Variants in CPED1 observed in about 807,000 individuals in gnomAD.
The protein encoded by CPED1 is cadherin like and PC-esterase domain containing 1, also known as cadherin-like and PC-esterase domain-containing protein 1.
In CPED1, 114 loss-of-function variants were observed where a neutral mutation model predicts 128.2. That is an observed-to-expected ratio of 0.89 (90% confidence interval 0.76 to 1.04). CPED1 has a LOEUF of 1.04. Ranked by LOEUF, CPED1 falls within the 50% of genes least tolerant of loss-of-function variation. The pLI, the probability that CPED1 is intolerant of heterozygous loss-of-function variation, is 0.00. For synonymous variants in CPED1, 462 were observed against 426.7 expected (o/e 1.08, Z -1.02); for missense variants, 1,211 against 1,207.1 (o/e 1.00, Z -0.05).
In CPED1 at chr7:121,085,089, A is replaced by G. The variant is rs536953766; in HGVS notation, c.617-12610A>G. Reference sequence around the variant, plus strand: ...TACAGCTATATTCACCGTTTACTCCACTTCTGCTGGAGTCCCCCATGGCCA... The same window carrying G: ...TACAGCTATATTCACCGTTTACTCCGCTTCTGCTGGAGTCCCCCATGGCCA... On this transcript the variant is annotated intron_variant, in intron 5 of 22. Coordinates refer to ENST00000310396, the MANE Select transcript of CPED1 (RefSeq NM_024913.5). 1.6e-4 allele frequency among the ~76,000 whole-genome samples: 25 copies of G among 152,160 alleles called. 1 individual carries two copies. The South Asian group carries it at 3.9e-3, about 24-fold the overall frequency.
chr7:121,107,732 AAAAG>A (rs1315143425), intron 7 of CPED1, among the ~76,000 whole-genome samples: 1 of 152,124 alleles, frequency 6.6e-6, no homozygotes, highest in Admixed American at 6.6e-5. Flanking sequence ...GGTATAGAAA[AAAAG>A]TAAGTTTTTA....
intron 2 of CPED1, among the ~76,000 whole-genome samples, chr7:120,990,810 C>T (rs541680461): frequency 1.4e-4 from 21 of 152,176 alleles, no homozygotes; most frequent in Admixed American, 7.9e-4. Flanking sequence ...AGTAGAATTT[C>T]TACTTGAACA....
chr7:121,271,333 CA>C lies in CPED1; in HGVS notation c.2778del (p.Lys926AsnfsTer6), dbSNP rs777945397. On this transcript the variant is annotated frameshift_variant, in exon 22 of 23. Transcript: ENST00000310396. LOFTEE classifies it high-confidence loss of function. ...WKENLIILDTAKKHGYEVVDT... is the reference protein window; with the variant it reads ...WKENLIILDTXKKHGYEVVDT... ...GAAAATTTGATTATTCTGGATACTGCAAAAAAACATGGCTATGAAGTAGTTG... is the reference window on the plus strand; with the variant it reads ...GAAAATTTGATTATTCTGGATACTGCAAAAAACATGGCTATGAAGTAGTTG... 29 of 1,611,904 alleles carry C rather than the reference CA, an allele frequency of 1.8e-5. No individual in the cohort carries two copies. Among genetic ancestry groups the C allele is most frequent in the Non-Finnish European group, 2.4e-5 (28 of 1,178,622 alleles).
At chr7:121,165,326 G>A (rs1196953963) in intron 16 of CPED1, among the ~76,000 whole-genome samples, 2 of 152,048 alleles carry the variant, frequency 1.3e-5, no homozygotes, top group African/African-American at 4.8e-5. Context: ...TTTTGAGAAA[G>A]CAGTGTCTAA....
intron 3 of CPED1, among the ~76,000 whole-genome samples, chr7:121,044,452 AGAG>A (rs1349834810): frequency 6.6e-6 from 1 of 152,102 alleles, no homozygotes; most frequent in Non-Finnish European, 1.5e-5. Flanking sequence ...CTTCATTTTA[AGAG>A]GAGATTTGTG....
In CPED1 at chr7:121,125,918, A is replaced by G. The variant is rs1024613051; in HGVS notation, c.1134+26A>G. The G allele has an allele frequency of 2.7e-6, 4 of 1,468,616 alleles. No individual in the cohort carries two copies. The African/African-American group carries it at 5.5e-5, about 20-fold the overall frequency. 91.0% of individuals were successfully genotyped at this position (1,468,616 alleles called of 1,614,324 possible). A position where few individuals can be genotyped will look rare whatever the true frequency, so the allele number is the denominator to read the frequency against. On this transcript the variant is annotated intron_variant, in intron 9 of 22. Coordinates refer to ENST00000310396, the MANE Select transcript of CPED1 (RefSeq NM_024913.5). Reference sequence around the variant, plus strand: ...GTCAGTATGCCAAAGGCCTCATGTGAGCTTCTACCTTGTGGTGAGAGATCA... The same window carrying G: ...GTCAGTATGCCAAAGGCCTCATGTGGGCTTCTACCTTGTGGTGAGAGATCA...
At position 121,271,752 on chromosome 7, in the gene CPED1, C is replaced by CA. The variant is rs200742879; in HGVS notation, c.2868+330dup. On this transcript the variant is annotated intron_variant, in intron 22 of 22. Transcript: ENST00000310396. ...AAGCCTTCCCATCAGAAATTGCATC[C>CA]AAAAAAAAGGTGGCAAAGGTTTTCA... Among the ~76,000 whole-genome samples the CA allele has an allele frequency of 2.5e-3, 386 of 151,450 alleles. 3 individuals carry two copies. The highest frequency in any genetic ancestry group is 8.4e-3 in the African/African-American group (347 of 41,362).
intron 7 of CPED1, among the ~76,000 whole-genome samples, chr7:121,121,304 T>C (rs2116304395): frequency 6.6e-6 from 1 of 152,352 alleles, no homozygotes; most frequent in East Asian, 1.9e-4. Context: ...CATCCACTTG[T>C]ATCTGAATAA....
intron 5 of CPED1, among the ~76,000 whole-genome samples, chr7:121,088,642 GTGCGAGAC>G (rs1794495867): frequency 7.0e-6 from 1 of 143,424 alleles, no homozygotes; most frequent in Admixed American, 7.0e-5. Flanking sequence ...CTGGGCGACG[GTGCGAGAC>G]TGCTTCTCAA....
At chr7:121,209,287 G>C (rs1584598943) in intron 16 of CPED1, among the ~76,000 whole-genome samples, 2 of 152,036 alleles carry the variant, frequency 1.3e-5, no homozygotes, top group East Asian at 3.9e-4. Context: ...AGCTGACTCA[G>C]TTATATGGAT....
At chr7:121,174,805 C>T (rs1048427220) in intron 16 of CPED1, among the ~76,000 whole-genome samples, 1 of 151,950 alleles carries the variant, frequency 6.6e-6, no homozygotes, top group African/African-American at 2.4e-5. Context: ...GTCTGGAAAC[C>T]TCTTTGGACA....
chr7:121,295,997 A>T lies in CPED1; in HGVS notation c.*345A>T, dbSNP rs1792817756. On this transcript the variant is annotated 3_prime_UTR_variant, in exon 23 of 23. Coordinates refer to ENST00000310396, the MANE Select transcript of CPED1 (RefSeq NM_024913.5). ...AGACACTTAAAATTATGTGAAAAAA[A>T]GGATAATGCTCTTTCATGTTGTCTT... The T allele has an allele frequency of 5.4e-6, 1 of 186,756 alleles. No homozygotes were observed. Among genetic ancestry groups the T allele is most frequent in the Non-Finnish European group, 1.1e-5 (1 of 89,792 alleles). 11.6% of individuals were successfully genotyped at this position (186,756 alleles called of 1,614,324 possible). A position where few individuals can be genotyped will look rare whatever the true frequency, so the allele number is the denominator to read the frequency against.
chr7:121,226,420 CA>C (rs1233619639), intron 16 of CPED1, among the ~76,000 whole-genome samples: 2 of 151,994 alleles, frequency 1.3e-5, no homozygotes, highest in Non-Finnish European at 2.9e-5. Flanking sequence ...CCTCCACATC[CA>C]TCTTTTCTAA....
chr7:121,277,106 C>T (rs1289546969), intron 22 of CPED1, among the ~76,000 whole-genome samples: 1 of 151,870 alleles, frequency 6.6e-6, no homozygotes, highest in Admixed American at 6.6e-5. Flanking sequence ...GAGAAGTGGA[C>T]AAAAGCAAGC....
Position 121,257,822 on chromosome 7 carries a change from C to T in CPED1, c.2311-8405C>T, listed in dbSNP as rs572813731. Reference sequence around the variant, plus strand: ...TATAATCTCCAACCCATTCCAAAGACAAATAAATGTTAAAGCATAACAGTT... The same window carrying T: ...TATAATCTCCAACCCATTCCAAAGATAAATAAATGTTAAAGCATAACAGTT... On this transcript the variant is annotated intron_variant, in intron 18 of 22. Coordinates refer to ENST00000310396, the MANE Select transcript of CPED1 (RefSeq NM_024913.5). 2.0e-5 allele frequency among the ~76,000 whole-genome samples: 3 copies of T among 152,120 alleles called. No individual in the cohort carries two copies. The South Asian group carries it at 6.2e-4, about 32-fold the overall frequency.
intron 7 of CPED1, among the ~76,000 whole-genome samples, chr7:121,117,101 AT>A (rs1795267370): frequency 1.4e-5 from 2 of 142,440 alleles, no homozygotes; most frequent in Non-Finnish European, 3.0e-5. Flanking sequence ...ATATATATAA[AT>A]ATATATATAT....
At chr7:121,229,292 G>T (rs959227088) in intron 16 of CPED1, among the ~76,000 whole-genome samples, 6 of 151,886 alleles carry the variant, frequency 4.0e-5, no homozygotes, top group African/African-American at 1.4e-4. Context: ...AATGCTTATA[G>T]CCTAAATAGC....
chr7:121,211,182 G>T (rs998560984), intron 16 of CPED1, among the ~76,000 whole-genome samples: 7 of 151,988 alleles, frequency 4.6e-5, no homozygotes, highest in African/African-American at 1.4e-4. Context: ...CATAGGGAAA[G>T]ATAAAAAATA....
At chr7:121,207,734 T>C (rs779419219) in intron 16 of CPED1, among the ~76,000 whole-genome samples, 36 of 152,038 alleles carry the variant, frequency 2.4e-4, no homozygotes, top group Admixed American at 4.6e-4. Flanking sequence ...AATCCAAATA[T>C]ATTACAATAG....
Sources: gnomAD v4.1 joint callset for allele counts (sites outside exome capture counted in the v4.1 genomes callset) on GRCh38, gnomAD v4.1.1 for gene constraint, MANE v1.5 for transcripts, NCBI Gene and HGNC (gene_info 2026-07-23, HGNC 2026-07-21) for gene names.